ZSCAN31: variants seen among roughly 807,000 people sequenced by gnomAD.
ZSCAN31 encodes zinc finger and SCAN domain containing 31.
In ZSCAN31, 14 loss-of-function variants were observed where a neutral mutation model predicts 22.5. The observed-to-expected ratio is 0.62, with a 90% CI of 0.41 to 0.97. The LOEUF is 0.97. Ranked by LOEUF, ZSCAN31 falls within the 50% of genes least tolerant of loss-of-function variation. ZSCAN31 has a pLI of 0.00. For synonymous variants in ZSCAN31, 168 were observed against 169.8 expected (o/e 0.99, Z 0.08); for missense variants, 424 against 483.4 (o/e 0.88, Z 1.15).
At chr6:28,345,576 G>A (rs1764610845) in intron 2 of ZSCAN31, among the ~76,000 whole-genome samples, 1 of 152,210 alleles carries the variant, frequency 6.6e-6, no homozygotes, top group South Asian at 2.1e-4. Flanking sequence ...AGTGGCAAGT[G>A]ATTCATTTTG....
chr6:28,328,842 T>A (rs975207953), intron 2 of ZSCAN31, among the ~76,000 whole-genome samples: 2 of 152,190 alleles, frequency 1.3e-5, no homozygotes, highest in African/African-American at 4.8e-5. Flanking sequence ...AACTAATAAA[T>A]GTCCATGAAA....
At chr6:28,329,800 T>G in intron 1 of ZSCAN31, 22 bp from the exon 2 acceptor site, 1 of 1,276,306 alleles carries the variant, frequency 7.8e-7, no homozygotes, top group African/African-American at 1.5e-5. Context: ...GCATTATATA[T>G]TAATGGAAAT....
upstream of ZSCAN31, among the ~76,000 whole-genome samples, chr6:28,340,366 G>A (rs1459838202): frequency 6.6e-6 from 1 of 152,202 alleles, no homozygotes; most frequent in Non-Finnish European, 1.5e-5. Context: ...GGTGGGAAGG[G>A]CCCAGTGGGA....
intron 2 of ZSCAN31, chr6:28,353,712 T>C (rs886620882): frequency 2.5e-6 from 1 of 406,518 alleles, no homozygotes; most frequent in African/African-American, 2.1e-5. Context: ...AAATAGAAGT[T>C]AAAACCTTGC....
intron 2 of ZSCAN31, among the ~76,000 whole-genome samples, chr6:28,344,647 G>A (rs1764562470): frequency 6.6e-6 from 1 of 152,198 alleles, no homozygotes; most frequent in South Asian, 2.1e-4. Context: ...AAAATGGATG[G>A]TGGCTATCTT....
chr6:28,341,513 C>T (rs1351616736), intron 3 of ZSCAN31, among the ~76,000 whole-genome samples: 1 of 152,176 alleles, frequency 6.6e-6, no homozygotes, highest in African/African-American at 2.4e-5. Context: ...CCCAAGTCCT[C>T]ACCTTTTAAT....
At chr6:28,336,265 G>C (rs1764160334), upstream of ZSCAN31, 1 of 152,188 alleles carries the variant, frequency 6.6e-6, no homozygotes, top group Non-Finnish European at 1.5e-5. Context: ...GCAAACCCCG[G>C]GGCCAAAAAT....
At chr6:28,328,830 G>A (rs1763513097) in intron 2 of ZSCAN31, among the ~76,000 whole-genome samples, 1 of 152,144 alleles carries the variant, frequency 6.6e-6, no homozygotes, top group Non-Finnish European at 1.5e-5. Context: ...ATTAATTTGG[G>A]GAACTAATAA....
rs764669078 is a variant in ZSCAN31 at position 28,327,481 on chromosome 6, T to A, written c.434A>T (p.His145Leu). The A allele has an allele frequency of 6.2e-7, 1 of 1,614,058 alleles. No homozygotes were observed. Among genetic ancestry groups the A allele is most frequent in the Non-Finnish European group, 8.5e-7 (1 of 1,180,024 alleles). The change falls in exon 3 of 4, where the codon CAT becomes CTT. Residue 145 changes from histidine (H) to leucine (L), a missense_variant. By Grantham distance (99) the His-to-Leu change is moderately conservative (BLOSUM62 -3). Transcript: ENST00000344279. ...HSEVLLEDVEHLKVKQEPTDI... is the reference protein window; with the variant it reads ...HSEVLLEDVELLKVKQEPTDI... ...TGTTGGTTCCTGCTTGACCTTCAGA[T>A]GTTCCACATCCTCCAAGAGCACTTC...
Position 28,326,518 on chromosome 6 carries a change from G to A in ZSCAN31, c.869C>T (p.Thr290Ile). Residue 290 changes from threonine to isoleucine, a missense_variant, in exon 4 of 4, where the codon ACT becomes ATT. Thr to Ile is a moderately conservative substitution (Grantham distance 89). Transcript: ENST00000344279. ...CTTACATTGATAGGGTTTCTCTCCA[G>A]TGTGGCTCCGCCGATGTTCATTCAG... ...SSLNEHRRSH[T>I]GEKPYQCKEC... 1 of 1,614,234 alleles carries A rather than the reference G, an allele frequency of 6.2e-7. No homozygotes were observed. The highest frequency in any genetic ancestry group is 8.5e-7 in the Non-Finnish European group (1 of 1,180,044).
rs1214021423 is a variant in ZSCAN31, at chr6:28,325,577, G to C, written c.*589C>G. On this transcript the variant is annotated 3_prime_UTR_variant, in exon 4 of 4. Coordinates refer to ENST00000344279, the MANE Select transcript of ZSCAN31 (RefSeq NM_030899.5). ...TTAAAACTACAGGTTTCATACTATGGATAATGCTGCATAATTATAGAAGCT... is the reference window on the plus strand; with the variant it reads ...TTAAAACTACAGGTTTCATACTATGCATAATGCTGCATAATTATAGAAGCT... The C allele has an allele frequency of 6.6e-6, 1 of 152,172 alleles. No individual in the cohort carries two copies. Among genetic ancestry groups the C allele is most frequent in the African/African-American group, 2.4e-5 (1 of 41,396 alleles). 9.4% of individuals were successfully genotyped at this position (152,172 alleles called of 1,614,324 possible). A position where few individuals can be genotyped will look rare whatever the true frequency, so the allele number is the denominator to read the frequency against.
At chr6:28,353,949 G>A (rs1447064184) in exon 2 of ZSCAN31, 2 of 454,918 alleles carry the variant, frequency 4.4e-6, no homozygotes, top group Non-Finnish European at 8.8e-6. Context: ...AAGAACACTC[G>A]GGGCTGTAGG....
chr6:28,332,958 G>A (rs1763873686), intron 1 of ZSCAN31, among the ~76,000 whole-genome samples: 1 of 152,136 alleles, frequency 6.6e-6, no homozygotes, highest in Non-Finnish European at 1.5e-5. Flanking sequence ...ATATAAAAGG[G>A]GATAAAGAGA....
chr6:28,354,309 C>T (rs555102329), upstream of ZSCAN31: 32 of 218,284 alleles, frequency 1.5e-4, no homozygotes, highest in Admixed American at 5.5e-4. Flanking sequence ...TGGAGTGGTG[C>T]GCCTGCGTTC....
chr6:28,343,892 T>C (rs1252325890), intron 2 of ZSCAN31, among the ~76,000 whole-genome samples: 3 of 152,138 alleles, frequency 2.0e-5, no homozygotes, highest in Non-Finnish European at 4.4e-5. Context: ...TAGTCATTGA[T>C]TTGGTAAATG....
In ZSCAN31 at chr6:28,331,895, C is replaced by T. The variant is rs921369052; in HGVS notation, c.-95-2117G>A. 5.3e-5 allele frequency among the ~76,000 whole-genome samples: 8 copies of T among 152,194 alleles called. No homozygotes were observed. The highest frequency in any genetic ancestry group is 1.2e-4 in the Non-Finnish European group (8 of 68,028). On this transcript the variant is annotated intron_variant, in intron 1 of 3. Transcript: ENST00000344279. This position sits in a 1 kb window ranked among gnomAD's most constrained non-coding sequence, Gnocchi z 4.8. ...AGCCACAGGTGGAGTATTTCTCCAT[C>T]AATTGTATTCTTCTCCCCATAATTG...
At position 28,329,435 on chromosome 6, in the gene ZSCAN31, C is replaced by T. The variant is rs201692836; in HGVS notation, c.249G>A (p.Val83=). 1.9e-4 allele frequency: 303 copies of T among 1,614,232 alleles called. 3 individuals are homozygous for T. The East Asian group carries it at 6.4e-3, about 34-fold the overall frequency. ...HTKEQILELL[V]LEQFLTILPE... Reference sequence around the variant, plus strand: ...GCAGGATAGTCAGGAATTGCTCCAGCACCAGCAGCTCCAAGATTTGCTCTT... The same window carrying T: ...GCAGGATAGTCAGGAATTGCTCCAGTACCAGCAGCTCCAAGATTTGCTCTT... Residue 83 remains valine, a synonymous_variant, in exon 2 of 4, where the codon GTG becomes GTA. Transcript: ENST00000344279.
At chr6:28,336,629 GGCTCTGTTGCGGTTAGAGCTGTTAT>G (rs1353313166), upstream of ZSCAN31, among the ~76,000 whole-genome samples, 1 of 152,164 alleles carries the variant, frequency 6.6e-6, no homozygotes, top group African/African-American at 2.4e-5. Flanking sequence ...AGGGCCGTTA[GGCTCTGTTGCGGTTAGAGCTGTTAT>G]GCTCTGTTGA....
At chr6:28,352,526 G>A (rs752350088) in intron 2 of ZSCAN31, among the ~76,000 whole-genome samples, 5 of 152,164 alleles carry the variant, frequency 3.3e-5, no homozygotes, top group Non-Finnish European at 5.9e-5. Flanking sequence ...TGGGATTACA[G>A]GTGTGAGCCA....
Sources: gnomAD v4.1 joint callset for allele counts (sites outside exome capture counted in the v4.1 genomes callset) on GRCh38, gnomAD v4.1.1 for gene constraint, Gnocchi (gnomAD v3.1) non-coding constraint, MANE v1.5 for transcripts, NCBI Gene and HGNC (gene_info 2026-07-23, HGNC 2026-07-21) for gene names.